Variants in PTPRD observed in about 807,000 individuals in gnomAD.
PTPRD encodes protein tyrosine phosphatase receptor type D, also known as receptor-type tyrosine-protein phosphatase delta.
Under a neutral mutation model 214.5 loss-of-function variants are expected in PTPRD, and 34 were observed. That is an observed-to-expected ratio of 0.16 (90% confidence interval 0.12 to 0.21). The LOEUF (loss-of-function observed/expected upper bound fraction) is 0.21. Among genes scored for constraint, PTPRD ranks in the 10% least tolerant of loss-of-function variants. The probability of loss-of-function intolerance (pLI) is 1.00; values close to 1 mark genes in which losing one functional copy is unlikely to be tolerated. For synonymous variants in PTPRD, 1,128 were observed against 845.7 expected, an observed-to-expected ratio of 1.33 and a Z score of -5.79; for missense variants, 2,545 against 2,398.7, an observed-to-expected ratio of 1.06 and a Z score of -1.27.
intron 2 of PTPRD, among the ~76,000 whole-genome samples, chr9:10,538,700 T>A (rs1367640945): frequency 6.6e-6 from 1 of 152,162 alleles, no homozygotes; most frequent in Non-Finnish European, 1.5e-5. Flanking sequence ...GTTAATCCTG[T>A]TTATCTTTTA....
At chr9:9,928,150 T>G (rs2085005605) in intron 5 of PTPRD, among the ~76,000 whole-genome samples, 1 of 152,156 alleles carries the variant, frequency 6.6e-6, no homozygotes, top group Non-Finnish European at 1.5e-5. Flanking sequence ...TTTACTACAG[T>G]TGTTGGCAAT....
At chr9:8,676,894 T>A (rs575168223) in intron 12 of PTPRD, among the ~76,000 whole-genome samples, 2 of 152,060 alleles carry the variant, frequency 1.3e-5, no homozygotes, top group South Asian at 4.1e-4. Flanking sequence ...TATATTTTGT[T>A]GTTGTTAAAA....
chr9:9,667,366 A>G (rs1594736190), intron 7 of PTPRD, among the ~76,000 whole-genome samples: 1 of 152,212 alleles, frequency 6.6e-6, no homozygotes, highest in East Asian at 1.9e-4. Context: ...TAATTTTCTT[A>G]TAGTGCTCAA....
intron 2 of PTPRD, among the ~76,000 whole-genome samples, chr9:10,464,172 T>C (rs1051616541): frequency 6.6e-6 from 1 of 151,364 alleles, no homozygotes; most frequent in Admixed American, 6.6e-5. Flanking sequence ...CTGAGGCGGG[T>C]GGATAACTTG....
chr9:8,422,238 T>C (rs568498555), intron 35 of PTPRD, among the ~76,000 whole-genome samples: 31 of 147,880 alleles, frequency 2.1e-4, no homozygotes, highest in East Asian at 6.0e-4. Context: ...ATATAAAATA[T>C]ATCACACAAG....
chr9:9,582,727 T>C (rs1439648357), intron 7 of PTPRD, among the ~76,000 whole-genome samples: 1 of 152,110 alleles, frequency 6.6e-6, no homozygotes, highest in Admixed American at 6.6e-5. Flanking sequence ...TTTACAAAGA[T>C]ATTTGTGTGG....
At chr9:9,830,995 G>A (rs1282522873) in intron 5 of PTPRD, among the ~76,000 whole-genome samples, 1 of 151,718 alleles carries the variant, frequency 6.6e-6, no homozygotes, top group African/African-American at 2.4e-5. Context: ...TTGGAGACAG[G>A]GAATTTTCAT....
At chr9:8,613,237 A>G (rs2095509475) in intron 14 of PTPRD, among the ~76,000 whole-genome samples, 1 of 152,200 alleles carries the variant, frequency 6.6e-6, no homozygotes, top group Non-Finnish European at 1.5e-5. Flanking sequence ...ATTAAGACAA[A>G]GTTACTCTGC....
At chr9:10,364,205 G>C (rs111650024) in intron 2 of PTPRD, among the ~76,000 whole-genome samples, 1 of 151,728 alleles carries the variant, frequency 6.6e-6, no homozygotes, top group Non-Finnish European at 1.5e-5. Context: ...GTTTCACCGC[G>C]TTAGCCAGGA....
At chr9:10,057,506 A>G (rs1272974813) in intron 3 of PTPRD, among the ~76,000 whole-genome samples, 1 of 148,656 alleles carries the variant, frequency 6.7e-6, no homozygotes, top group Non-Finnish European at 1.5e-5. Context: ...GAAGAAAAAA[A>G]TCCTCCCTAA....
chr9:10,382,686 T>C (rs572641750), intron 2 of PTPRD, among the ~76,000 whole-genome samples: 1 of 151,886 alleles, frequency 6.6e-6, no homozygotes, highest in Non-Finnish European at 1.5e-5. Flanking sequence ...TTAAACAGAA[T>C]TCATACAAGT....
intron 3 of PTPRD, among the ~76,000 whole-genome samples, chr9:10,107,555 T>C (rs2098646768): frequency 6.6e-6 from 1 of 152,094 alleles, no homozygotes. Context: ...CTGTCCAGCA[T>C]GAATGATGAT....
chr9:9,142,309 G>C (rs1381925745), intron 10 of PTPRD, among the ~76,000 whole-genome samples: 1 of 152,192 alleles, frequency 6.6e-6, no homozygotes, highest in Non-Finnish European at 1.5e-5. Context: ...ACTGGCATAA[G>C]GGACAGGAGA....
chr9:10,597,965 G>A (rs1279270395), intron 2 of PTPRD, among the ~76,000 whole-genome samples: 4 of 151,700 alleles, frequency 2.6e-5, no homozygotes, highest in South Asian at 2.1e-4. Context: ...AAAGCATGAC[G>A]GCTAATGCAT....
chr9:8,739,669 G>A (rs60482751), intron 11 of PTPRD, among the ~76,000 whole-genome samples: 1 of 151,806 alleles, frequency 6.6e-6, no homozygotes, highest in Non-Finnish European at 1.5e-5. Flanking sequence ...GATTCACTGT[G>A]TTATGTGAGG....
intron 5 of PTPRD, among the ~76,000 whole-genome samples, chr9:9,855,175 G>A (rs1378544922): frequency 6.6e-6 from 1 of 152,132 alleles, no homozygotes; most frequent in Non-Finnish European, 1.5e-5. Flanking sequence ...TCTTTTACAA[G>A]AGCAAAGGGT....
At chr9:9,625,806 G>A (rs1308009972) in intron 7 of PTPRD, among the ~76,000 whole-genome samples, 1 of 152,152 alleles carries the variant, frequency 6.6e-6, no homozygotes, top group Non-Finnish European at 1.5e-5. Flanking sequence ...GTTAATTGTA[G>A]AAAGAATGGA....
intron 11 of PTPRD, among the ~76,000 whole-genome samples, chr9:8,828,522 T>C (rs1412898827): frequency 6.6e-6 from 1 of 152,146 alleles, no homozygotes; most frequent in Admixed American, 6.5e-5. Flanking sequence ...GTTTGTTGTT[T>C]AAGCCACCCT....
At chr9:9,680,368 C>T (rs190216765) in intron 7 of PTPRD, among the ~76,000 whole-genome samples, 54 of 151,868 alleles carry the variant, frequency 3.6e-4, no homozygotes, top group Admixed American at 1.1e-3. Context: ...AAGCTTATTT[C>T]GGCATCATTT....
Sources: allele counts gnomAD v4.1 joint callset (sites outside exome capture counted in the v4.1 genomes callset), GRCh38; gene constraint gnomAD v4.1.1; transcripts MANE v1.5; gene names NCBI Gene and HGNC (gene_info 2026-07-23, HGNC 2026-07-21).